Variants in PVRIG observed in about 807,000 individuals in gnomAD.
The protein encoded by PVRIG is PVR related immunoglobulin domain containing.
In PVRIG, 16 loss-of-function variants were observed where a neutral mutation model predicts 21.9. The ratio of observed to expected loss-of-function variants is 0.73; its 90% confidence interval spans 0.50 to 1.11. The LOEUF (loss-of-function observed/expected upper bound fraction) is 1.11. PVRIG is among the 50% of genes most tolerant of loss of function. The pLI is 0.00. For missense variants in PVRIG, 435 were observed against 445.7 expected, an observed-to-expected ratio of 0.98 and a Z score of 0.22; for synonymous variants, 190 against 181.0, an observed-to-expected ratio of 1.05 and a Z score of -0.40.
At chr7:100,221,076 A>T (rs771304671) in exon 6 of PVRIG, 13 of 1,613,958 alleles carry the variant, frequency 8.1e-6, no homozygotes, top group Non-Finnish European at 1.1e-5. Flanking sequence ...CACCGGCCCC[A>T]GGGCCCTGCC....
rs1563028037 is a variant in PVRIG, at chr7:100,220,792, G to GC, written c.634dup (p.Gln212ProfsTer78). ...CCTAGGCTCCAGCCGTCCCGCACCA[G>GC]CCCCCAGGCACCGAGAGCACGAGCA... On this transcript the variant is annotated frameshift_variant, in exon 5 of 6. Coordinates refer to ENST00000317271, the Ensembl canonical transcript of PVRIG. LOFTEE classifies it low-confidence loss of function (END_TRUNC). The GC allele has an allele frequency of 6.8e-6, 11 of 1,606,168 alleles. No homozygotes were observed. Among genetic ancestry groups the GC allele is most frequent in the Non-Finnish European group, 9.3e-6 (11 of 1,179,822 alleles).
At chr7:100,221,430 A>G in exon 6 of PVRIG, 1 of 478,692 alleles carries the variant, frequency 2.1e-6, no homozygotes, top group Non-Finnish European at 3.6e-6. Flanking sequence ...AGTGACAGTT[A>G]CCCCATTTCA....
At position 100,220,689 on chromosome 7, in the gene PVRIG, T is replaced by A. The variant is rs1189260822; in HGVS notation, c.596+16T>A. On this transcript the variant is annotated intron_variant, in intron 4 of 5. Coordinates refer to ENST00000317271, the Ensembl canonical transcript of PVRIG. Reference sequence around the variant, plus strand: ...ATAAGCACCGGTGAGACCTGGTCCCTGTCCACGTCCCCCTGACACTGGGAT... The same window carrying A: ...ATAAGCACCGGTGAGACCTGGTCCCAGTCCACGTCCCCCTGACACTGGGAT... 3.1e-6 allele frequency: 5 copies of A among 1,609,882 alleles called. No individual in the cohort carries two copies.
At chr7:100,219,552 G>A in intron 1 of PVRIG, 1 of 362,762 alleles carries the variant, frequency 2.8e-6, no homozygotes, top group Non-Finnish European at 5.1e-6. Context: ...GGTCCTCCCT[G>A]CTGGCTTCCC....
At chr7:100,220,068 G>A (rs1197858768) in intron 2 of PVRIG, 40 bp downstream of exon 1, 4 of 1,603,910 alleles carry the variant, frequency 2.5e-6, no homozygotes, top group East Asian at 2.2e-5. Flanking sequence ...GCTGCAGGGA[G>A]GGTGATGTAG....
Position 100,219,933 on chromosome 7 carries a change from C to A in PVRIG, c.23C>A (p.Pro8Gln), listed in dbSNP as rs781431913. ...GCGATGAGAACAGAGGCACAGGTGC[C>A]GGCCCTGCAGCCCCCAGAACCTGGA... The change falls in exon 2 of 6, where the codon CCG (proline) becomes CAG (glutamine). Residue 8 changes from proline (P) to glutamine (Q), a missense_variant. By Grantham distance (76) the Pro-to-Gln change is moderately conservative. Coordinates refer to ENST00000317271, the Ensembl canonical transcript of PVRIG. The A allele has an allele frequency of 1.3e-6, 2 of 1,550,132 alleles. No individual in the cohort carries two copies. Among genetic ancestry groups the A allele is most frequent in the Non-Finnish European group, 1.7e-6 (2 of 1,147,124 alleles).
At position 100,219,661 on chromosome 7, in the gene PVRIG, G is replaced by C. The variant is rs1803072880; in HGVS notation, c.-198-52G>C. On this transcript the variant is annotated intron_variant, in intron 1 of 5. Coordinates refer to ENST00000317271, the Ensembl canonical transcript of PVRIG. Reference sequence around the variant, plus strand: ...GGCACCCCTTGCTGTCCAGGGAAGGGGAGTCCTTCTAGCCCCTGACAGCTT... The same window carrying C: ...GGCACCCCTTGCTGTCCAGGGAAGGCGAGTCCTTCTAGCCCCTGACAGCTT... 1.6e-5 allele frequency: 9 copies of C among 579,494 alleles called. No individual in the cohort carries two copies. In the South Asian group the frequency reaches 1.8e-4, roughly 12 times the overall value. The allele number at this position is 579,494 out of a possible 1,614,324, so 35.9% of individuals were successfully genotyped here.
exon 1 of PVRIG, chr7:100,219,263 G>A (rs1225226530): frequency 6.4e-6 from 1 of 156,132 alleles, no homozygotes; most frequent in East Asian, 1.9e-4. Context: ...GAGGACTGCT[G>A]TTTGCTGACA....
chr7:100,220,858 G>A lies in PVRIG; in HGVS notation c.657+38G>A, dbSNP rs111654441. ...CCTGCTTTGGGGATGAGGTGACAGG[G>A]GCAGGGGCAGGGGGGCCAGGGCTGG... On this transcript the variant is annotated intron_variant, in intron 5 of 5. Coordinates refer to ENST00000317271, the Ensembl canonical transcript of PVRIG. 56 of 1,600,278 alleles carry A rather than the reference G, an allele frequency of 3.5e-5. No individual in the cohort carries two copies. The African/African-American group carries it at 6.9e-4, about 20-fold the overall frequency.
chr7:100,219,420 G>A (rs901798856), intron 1 of PVRIG: 1 of 204,828 alleles, frequency 4.9e-6, no homozygotes, highest in African/African-American at 2.4e-5. Flanking sequence ...GGGTAGATCA[G>A]GAGGTATGAG....
chr7:100,221,154 A>G, exon 6 of PVRIG: 1 of 1,613,352 alleles, frequency 6.2e-7, no homozygotes, highest in East Asian at 2.2e-5. Flanking sequence ...CTCTACGCTC[A>G]GGCAGGGGAG....
At chr7:100,220,903 A>G (rs996653122) in intron 5 of PVRIG, 25 bp from the exon 5 acceptor site, 1 of 1,582,526 alleles carries the variant, frequency 6.3e-7, no homozygotes, top group African/African-American at 1.4e-5. Flanking sequence ...GTGCAGACTC[A>G]CTTGACCCTC....
At chr7:100,220,070 G>A in intron 2 of PVRIG, 42 bp downstream of exon 1, 1 of 1,604,228 alleles carries the variant, frequency 6.2e-7, no homozygotes, top group African/African-American at 1.3e-5. Context: ...TGCAGGGAGG[G>A]TGATGTAGGA....
exon 5 of PVRIG, chr7:100,220,800 G>A (rs774785734): frequency 6.2e-7 from 1 of 1,606,090 alleles, no homozygotes. Context: ...CAGCCCCCAG[G>A]CACCGAGAGC....
exon 3 of PVRIG, chr7:100,220,312 C>A (rs867393961): frequency 6.4e-7 from 1 of 1,556,506 alleles, no homozygotes; most frequent in Non-Finnish European, 8.7e-7. Flanking sequence ...GCTCGCCAGG[C>A]CCGCTGGGAA....
chr7:100,221,246 C>A, exon 6 of PVRIG: 4 of 1,563,954 alleles, frequency 2.6e-6, no homozygotes, highest in Non-Finnish European at 2.6e-6. Flanking sequence ...CTTAGGAGTT[C>A]GATGAGAGAG....
In PVRIG at chr7:100,221,383, CTGT is replaced by C. The variant is rs1177488800; in HGVS notation, c.*133_*135del. ...GGCCCACCTGCTGCGGATGTGGTCTCTGTGTGTGCGTGTGTGGGCACAGGTGTG... is the reference window on the plus strand; with the variant it reads ...GGCCCACCTGCTGCGGATGTGGTCTCGTGTGCGTGTGTGGGCACAGGTGTG... On this transcript the variant is annotated 3_prime_UTR_variant, in exon 6 of 6. Transcript: ENST00000317271. 3 of 62,174 alleles carry C rather than the reference CTGT, an allele frequency of 4.8e-5. No individual in the cohort carries two copies. The African/African-American group carries it at 1.7e-3, about 36-fold the overall frequency. The allele number at this position is 62,174 out of a possible 1,614,324, so 3.9% of individuals were successfully genotyped here. A position where few individuals can be genotyped will look rare whatever the true frequency, so the allele number is the denominator to read the frequency against.
Position 100,220,913 on chromosome 7 carries a change from C to T in PVRIG, c.658-15C>T. 2 of 1,576,914 alleles carry T rather than the reference C, an allele frequency of 1.3e-6. No individual in the cohort carries two copies. Among genetic ancestry groups the T allele is most frequent in the South Asian group, 2.3e-5 (2 of 86,932 alleles). On this transcript the variant is annotated splice_polypyrimidine_tract_variant and intron_variant, in intron 5 of 5. Transcript: ENST00000317271. ...AAGCTGTGCAGACTCACTTGACCCT[C>T]CTTCCCCCGCGCAGGCACCAAGCCA... is the stretch of plus-strand genomic sequence containing the variant.
At position 100,219,935 on chromosome 7, in the gene PVRIG, G is replaced by A. The variant is rs567007169; in HGVS notation, c.25G>A (p.Ala9Thr). 42 of 1,550,418 alleles carry A rather than the reference G, an allele frequency of 2.7e-5. No homozygotes were observed. The South Asian group carries it at 4.4e-4, about 16-fold the overall frequency. The change falls in exon 2 of 6, where the codon GCC (alanine) becomes ACC (threonine). Residue 9 changes from alanine to threonine, a missense_variant. Ala to Thr is a moderately conservative substitution (Grantham distance 58). Transcript: ENST00000317271. ...GATGAGAACAGAGGCACAGGTGCCG[G>A]CCCTGCAGCCCCCAGAACCTGGACT...
Sources: allele counts gnomAD v4.1 joint callset, GRCh38; gene constraint gnomAD v4.1.1; transcripts MANE v1.5; gene names NCBI Gene and HGNC (gene_info 2026-07-23, HGNC 2026-07-21).